TNR: variants seen among roughly 807,000 people sequenced by gnomAD.
The protein encoded by TNR is tenascin R.
TNR carries 45 observed loss-of-function variants against 150.4 expected under a neutral mutation model. The observed-to-expected ratio is 0.30, with a 90% CI of 0.24 to 0.38. The LOEUF is 0.38. Among genes scored for constraint, TNR ranks in the 10% least tolerant of loss-of-function variants. TNR has a pLI of 1.00. For synonymous variants in TNR, 687 were observed against 678.4 expected (o/e 1.01, Z -0.20); for missense variants, 1,544 against 1,759.1 (o/e 0.88, Z 2.19).
rs376878885 is a variant in TNR at position 175,396,535 on chromosome 1, G to C, written c.1240+9C>G. On this transcript the variant is annotated intron_variant, in intron 5 of 22. Coordinates refer to ENST00000367674, the MANE Select transcript of TNR (RefSeq NM_003285.3). ...GAAAAATGAAGCAGGACGGGGAAAT[G>C]GTACGTACGGGTGGCCACCTTGGCA... is the stretch of plus-strand genomic sequence containing the variant. The C allele has an allele frequency of 3.7e-6, 6 of 1,610,740 alleles. No individual in the cohort carries two copies. In the Admixed American group the frequency reaches 1.0e-4, roughly 27 times the overall value.
At chr1:175,610,139 C>T (rs2101854302) in intron 1 of TNR, among the ~76,000 whole-genome samples, 1 of 152,346 alleles carries the variant, frequency 6.6e-6, no homozygotes, top group African/African-American at 2.4e-5. Context: ...CTTCCCTGGT[C>T]TCTGCAGACT....
intron 3 of TNR, among the ~76,000 whole-genome samples, chr1:175,405,579 G>A (rs1382702771): frequency 2.6e-5 from 4 of 151,494 alleles, no homozygotes; most frequent in East Asian, 1.9e-4. Context: ...GAGAGCATGC[G>A]TGTGTGCATG....
Position 175,396,690 on chromosome 1 carries a change from C to T in TNR, c.1094G>A (p.Gly365Glu), listed in dbSNP as rs1224765996. The change falls in exon 5 of 23, where the codon GGG (glycine) becomes GAG (glutamate). Residue 365 changes from glycine (G) to glutamate (E), a missense_variant. Coordinates refer to ENST00000367674, the MANE Select transcript of TNR (RefSeq NM_003285.3). ...CACCCGCTGCTGGAGCTGGAGGCCC[C>T]CCAGGGCCGTCGGCTGGTAAGAGAT... is the stretch of plus-strand genomic sequence containing the variant. ...YVISYQPTAL[G>E]GLQLQQRVPG... The T allele has an allele frequency of 3.1e-6, 5 of 1,614,220 alleles. No homozygotes were observed. The highest frequency in any genetic ancestry group is 1.3e-5 in the African/African-American group (1 of 75,056).
In TNR at chr1:175,492,248, C is replaced by T. The variant is rs143212060; in HGVS notation, c.-64+36021G>A. On this transcript the variant is annotated intron_variant, in intron 2 of 22. Coordinates refer to ENST00000367674, the MANE Select transcript of TNR (RefSeq NM_003285.3). ...TTGGTTTTGAATATTGCATGTGCTA[C>T]TATCATTTATGAGAGCCATTTAGTG... 3.1e-3 allele frequency among the ~76,000 whole-genome samples: 468 copies of T among 152,322 alleles called. 5 individuals carry two copies. The highest frequency in any genetic ancestry group is 0.01 in the African/African-American group (431 of 41,552).
intron 1 of TNR, among the ~76,000 whole-genome samples, chr1:175,706,924 C>T (rs765253513): frequency 3.3e-5 from 5 of 152,094 alleles, no homozygotes; most frequent in East Asian, 1.9e-4. Context: ...GGAGATAAGG[C>T]CTGACTGGGA....
chr1:175,725,141 G>C (rs994019818), intron 1 of TNR, among the ~76,000 whole-genome samples: 1 of 152,110 alleles, frequency 6.6e-6, no homozygotes, highest in East Asian at 1.9e-4. Flanking sequence ...GAAGTGTAGA[G>C]AACAGATTGG....
At chr1:175,718,496 T>C (rs1667215997) in intron 1 of TNR, among the ~76,000 whole-genome samples, 1 of 152,170 alleles carries the variant, frequency 6.6e-6, no homozygotes, top group Non-Finnish European at 1.5e-5. Context: ...GGTAGGCAAA[T>C]GCAAGGAGCA....
intron 2 of TNR, among the ~76,000 whole-genome samples, chr1:175,427,431 G>A (rs1444448459): frequency 6.6e-6 from 1 of 151,954 alleles, no homozygotes; most frequent in Non-Finnish European, 1.5e-5. Flanking sequence ...GATGTATGTT[G>A]CTTTTTTATA....
At chr1:175,341,328 G>A (rs1007270107) in intron 18 of TNR, among the ~76,000 whole-genome samples, 17 of 152,308 alleles carry the variant, frequency 1.1e-4, no homozygotes, top group Non-Finnish European at 1.9e-4. Flanking sequence ...AGCCTAGACC[G>A]ATGGAGAATC....
chr1:175,552,640 C>T (rs142866631), intron 1 of TNR, among the ~76,000 whole-genome samples: 170 of 152,216 alleles, frequency 1.1e-3, no homozygotes, highest in Non-Finnish European at 2.1e-3. Context: ...AAATACGGCA[C>T]GATTTTGGAA....
chr1:175,694,370 C>T (rs1436623502), intron 1 of TNR, among the ~76,000 whole-genome samples: 17 of 152,196 alleles, frequency 1.1e-4, no homozygotes, highest in African/African-American at 2.2e-4. Flanking sequence ...AGCATCATCA[C>T]GGACCTGACC....
intron 2 of TNR, among the ~76,000 whole-genome samples, chr1:175,423,940 G>A (rs1023528263): frequency 1.3e-5 from 2 of 152,132 alleles, no homozygotes; most frequent in African/African-American, 4.8e-5. Flanking sequence ...AAAGCTATGG[G>A]CCTTGGGGGT....
chr1:175,675,367 T>C (rs148940011), intron 1 of TNR, among the ~76,000 whole-genome samples: 2 of 152,328 alleles, frequency 1.3e-5, no homozygotes, highest in Non-Finnish European at 2.9e-5. Context: ...CCGTAACCCT[T>C]TGTGGAACCC....
chr1:175,680,064 C>A (rs917223394), intron 1 of TNR, among the ~76,000 whole-genome samples: 26 of 152,186 alleles, frequency 1.7e-4, no homozygotes, highest in Admixed American at 1.6e-3. Context: ...TGTACACCCC[C>A]AGCTGAAGCC....
chr1:175,554,933 AGG>A (rs1661091012), intron 1 of TNR, among the ~76,000 whole-genome samples: 1 of 152,218 alleles, frequency 6.6e-6, no homozygotes, highest in Admixed American at 6.5e-5. Flanking sequence ...GGTTATGCCA[AGG>A]TCATCCAGCA....
In TNR at chr1:175,376,506, A is replaced by G. The variant is rs139652552; in HGVS notation, c.1963+3046T>C. ...AAAGTCTAGGCTCTTAGCATGTTGC[A>G]TGGAGCAGAGCATTCAGATCAAACT... On this transcript the variant is annotated intron_variant, in intron 9 of 22. Transcript: ENST00000367674. Among the ~76,000 whole-genome samples, 162 of 152,354 alleles carry G rather than the reference A, an allele frequency of 1.1e-3. 1 individual carries two copies. Among genetic ancestry groups the G allele is most frequent in the African/African-American group, 3.2e-3 (132 of 41,586 alleles).
chr1:175,425,268 G>A (rs1470172265), intron 2 of TNR, among the ~76,000 whole-genome samples: 5 of 152,190 alleles, frequency 3.3e-5, no homozygotes, highest in African/African-American at 4.8e-5. Context: ...GAGTGTACTA[G>A]CTGTGGCAGT....
chr1:175,354,249 G>A (rs1188022237), intron 18 of TNR, 142 bp downstream of exon 18: 8 of 1,128,370 alleles, frequency 7.1e-6, no homozygotes, highest in Middle Eastern at 3.0e-4. Flanking sequence ...TTCCTGGTAG[G>A]GGCTTGGACA....
chr1:175,738,514 A>G (rs886658993), intron 1 of TNR, among the ~76,000 whole-genome samples: 1 of 152,188 alleles, frequency 6.6e-6, no homozygotes, highest in African/African-American at 2.4e-5. Flanking sequence ...CTGGGGGAGG[A>G]GGAAATGGAG....
Sources: gnomAD v4.1 joint callset for allele counts (sites outside exome capture counted in the v4.1 genomes callset) on GRCh38, gnomAD v4.1.1 for gene constraint, MANE v1.5 for transcripts, NCBI Gene and HGNC (gene_info 2026-07-23, HGNC 2026-07-21) for gene names.